The following PCDHGA12 variants were observed in gnomAD, a reference collection of about 807,000 sequenced individuals.
PCDHGA12 encodes protocadherin gamma-A12.
In PCDHGA12, 43 loss-of-function variants were observed where a neutral mutation model predicts 61.1. That is an observed-to-expected ratio of 0.70 (90% confidence interval 0.55 to 0.91). The LOEUF is 0.91. Among genes scored for constraint, PCDHGA12 ranks in the 40% least tolerant of loss-of-function variants. PCDHGA12 has a pLI of 0.00. For missense variants in PCDHGA12, 1,236 were observed against 1,227.7 expected, an observed-to-expected ratio of 1.01 and a Z score of -0.10; for synonymous variants, 520 against 542.9, an observed-to-expected ratio of 0.96 and a Z score of 0.59.
intron 1 of PCDHGA12, among the ~76,000 whole-genome samples, chr5:141,468,738 T>C (rs965510711): frequency 3.0e-4 from 46 of 151,958 alleles, no homozygotes; most frequent in South Asian, 2.1e-3. Flanking sequence ...TGGTGGCGGG[T>C]GCCTGTAGTC....
At chr5:141,433,866 T>C (rs1191114798) in intron 1 of PCDHGA12, among the ~76,000 whole-genome samples, 1 of 151,870 alleles carries the variant, frequency 6.6e-6, no homozygotes, top group African/African-American at 2.4e-5. Context: ...CTTTATCCTC[T>C]AGTTTCATCC....
Position 141,486,772 on chromosome 5 carries a change from T to A in PCDHGA12, c.2425-8035T>A. ...ATGAGCAAACCCAGACACTGCAGTT[T>A]GAGGTGCAGGCCCGGGATCGGGGCA... is the stretch of plus-strand genomic sequence containing the variant. On this transcript the variant is annotated intron_variant, in intron 1 of 3. Coordinates refer to ENST00000252085, the MANE Select transcript of PCDHGA12 (RefSeq NM_003735.3). The surrounding 1 kb of genome is among the most constrained non-coding windows in gnomAD (Gnocchi z 5.0). 1 of 1,614,246 alleles carries A rather than the reference T, an allele frequency of 6.2e-7. No homozygotes were observed. Among genetic ancestry groups the A allele is most frequent in the South Asian group, 1.1e-5 (1 of 91,088 alleles).
rs1001555249 is a variant in PCDHGA12, at chr5:141,486,728, G to A, written c.2425-8079G>A. The A allele has an allele frequency of 1.2e-6, 2 of 1,614,200 alleles. No homozygotes were observed. The highest frequency in any genetic ancestry group is 1.7e-6 in the Non-Finnish European group (2 of 1,180,052). On this transcript the variant is annotated intron_variant, in intron 1 of 3. Transcript: ENST00000252085. This position sits in a 1 kb window ranked among gnomAD's most constrained non-coding sequence, Gnocchi z 5.0. Reference sequence around the variant, plus strand: ...GAACCCCCAGACAGGAGCTGTTCATGCTACTCGATCCTTTGACTATGAGCA... The same window carrying A: ...GAACCCCCAGACAGGAGCTGTTCATACTACTCGATCCTTTGACTATGAGCA...
chr5:141,477,162 C>A lies in PCDHGA12; in HGVS notation c.2425-17645C>A, dbSNP rs147392557. ...GAGGTTGTGGATGTGAATGACAACG[C>A]CCCGGAGATCACAGTCACCTCCGTG... On this transcript the variant is annotated intron_variant, in intron 1 of 3. Transcript: ENST00000252085. This position sits in a 1 kb window ranked among gnomAD's most constrained non-coding sequence, Gnocchi z 4.9. 3.5e-5 allele frequency: 57 copies of A among 1,614,162 alleles called. No homozygotes were observed. The Middle Eastern group carries it at 9.9e-4, about 28-fold the overall frequency.
chr5:141,466,494 G>C (rs1186331329), intron 1 of PCDHGA12, among the ~76,000 whole-genome samples: 4 of 152,134 alleles, frequency 2.6e-5, no homozygotes. Context: ...TCTTTAATTA[G>C]AGCACAGACA....
intron 2 of PCDHGA12, 114 bp from the exon 3 acceptor site, chr5:141,505,279 C>A (rs780513022): frequency 1.3e-6 from 2 of 1,541,274 alleles, no homozygotes; most frequent in Non-Finnish European, 1.7e-6. Flanking sequence ...AGAAACAGGT[C>A]TTGGGCATGG....
intron 1 of PCDHGA12, among the ~76,000 whole-genome samples, chr5:141,437,923 A>G (rs893873818): frequency 2.0e-5 from 3 of 152,110 alleles, no homozygotes; most frequent in African/African-American, 7.2e-5. Context: ...TTTTTAGTAG[A>G]GATGGGGTTT....
intron 1 of PCDHGA12, among the ~76,000 whole-genome samples, chr5:141,463,460 T>TTTC (rs1554144872): frequency 7.4e-6 from 1 of 136,038 alleles, no homozygotes; most frequent in South Asian, 2.5e-4. Context: ...TTTTTTTTTT[T>TTTC]TTTTTTGAGA....
Position 141,490,320 on chromosome 5 carries a change from A to G in PCDHGA12, c.2425-4487A>G. The G allele has an allele frequency of 6.2e-7, 1 of 1,614,228 alleles. No individual in the cohort carries two copies. The highest frequency in any genetic ancestry group is 1.1e-5 in the South Asian group (1 of 91,088). ...TGGCCTCTTTGGCCAACCCTGTCCT[A>G]GAGAGCACACCAGTGGGCACAGTAG... On this transcript the variant is annotated intron_variant, in intron 1 of 3. Transcript: ENST00000252085. The surrounding 1 kb of genome is among the most constrained non-coding windows in gnomAD (Gnocchi z 5.4).
Position 141,491,004 on chromosome 5 carries a change from G to T in PCDHGA12, c.2425-3803G>T. ...CTCGCTCTGCTCCTCCTGGCTCCTT[G>T]GTCACCAAGGTGACAGCCGTGGATG... On this transcript the variant is annotated intron_variant, in intron 1 of 3. Transcript: ENST00000252085. The surrounding 1 kb of genome is among the most constrained non-coding windows in gnomAD (Gnocchi z 6.9). The T allele has an allele frequency of 6.2e-7, 1 of 1,614,024 alleles. No individual in the cohort carries two copies. Among genetic ancestry groups the T allele is most frequent in the Non-Finnish European group, 8.5e-7 (1 of 1,180,026 alleles).
At chr5:141,509,163 C>T (rs561329093) in intron 3 of PCDHGA12, among the ~76,000 whole-genome samples, 1 of 152,204 alleles carries the variant, frequency 6.6e-6, no homozygotes, top group East Asian at 1.9e-4. Context: ...CTCCCGTGTG[C>T]CCTCCTCCTC....
Position 141,489,407 on chromosome 5 carries a change from T to C in PCDHGA12, c.2425-5400T>C. On this transcript the variant is annotated intron_variant, in intron 1 of 3. Transcript: ENST00000252085. This position sits in a 1 kb window ranked among gnomAD's most constrained non-coding sequence, Gnocchi z 4.5. ...GTTGCTCAGGATCTGGGCTTAAAGA[T>C]GACAGATCTGTTGAGCCGGCGGCTG... 6.2e-7 allele frequency: 1 copy of C among 1,614,140 alleles called. No individual in the cohort carries two copies.
chr5:141,458,702 T>G (rs1333580253), intron 1 of PCDHGA12, among the ~76,000 whole-genome samples: 1 of 152,102 alleles, frequency 6.6e-6, no homozygotes, highest in East Asian at 1.9e-4. Context: ...CCCGAGTAGC[T>G]GGGATTACAG....
intron 3 of PCDHGA12, among the ~76,000 whole-genome samples, chr5:141,508,975 G>T (rs1360718244): frequency 2.6e-5 from 4 of 152,148 alleles, no homozygotes; most frequent in African/African-American, 7.2e-5. Context: ...AAGGGCTGGG[G>T]GTGGGGGCCA....
At position 141,431,994 on chromosome 5, in the gene PCDHGA12, G is replaced by C; in HGVS notation, c.1235G>C (p.Arg412Thr). ...TTAGTCACAGACATAGTCTTGGATA[G>C]GGAACAGGTTCCTAGCTACAACATC... is the stretch of plus-strand genomic sequence containing the variant. ...YSLVTDIVLDREQVPSYNITV... is the reference protein window; with the variant it reads ...YSLVTDIVLDTEQVPSYNITV... Residue 412 changes from arginine (R) to threonine (T), a missense_variant, in exon 1 of 4, where the codon AGG becomes ACG. Physicochemically the swap from Arg to Thr is moderately conservative, Grantham distance 71. Coordinates refer to ENST00000252085, the MANE Select transcript of PCDHGA12 (RefSeq NM_003735.3). The surrounding 1 kb of genome is among the most constrained non-coding windows in gnomAD (Gnocchi z 4.8). 1.9e-6 allele frequency: 3 copies of C among 1,614,188 alleles called. 1 individual carries two copies. The highest frequency in any genetic ancestry group is 2.2e-5 in the South Asian group (2 of 91,082).
In PCDHGA12 at chr5:141,433,322, T is replaced by A. The variant is rs907709272; in HGVS notation, c.2424+139T>A. On this transcript the variant is annotated intron_variant, in intron 1 of 3. Transcript: ENST00000252085. ...AATTATCCCACCTTTGCCTCCGGTGTAACAGGGACTACAGGTGCAAGCCAC... is the reference window on the plus strand; with the variant it reads ...AATTATCCCACCTTTGCCTCCGGTGAAACAGGGACTACAGGTGCAAGCCAC... The A allele has an allele frequency of 5.3e-6, 4 of 760,298 alleles. No homozygotes were observed. In the African/African-American group the frequency reaches 7.1e-5, roughly 13 times the overall value. The allele number at this position is 760,298 out of a possible 1,614,324, so 47.1% of individuals were successfully genotyped here.
chr5:141,453,101 T>TTTCTG (rs1554138035), intron 1 of PCDHGA12, among the ~76,000 whole-genome samples: 1 of 152,012 alleles, frequency 6.6e-6, no homozygotes, highest in Non-Finnish European at 1.5e-5. Context: ...TTCTGTTGCT[T>TTTCTG]TTTTGTTTTG....
At chr5:141,439,631 A>G (rs1459977985) in intron 1 of PCDHGA12, among the ~76,000 whole-genome samples, 2 of 152,214 alleles carry the variant, frequency 1.3e-5, no homozygotes, top group African/African-American at 2.4e-5. Context: ...ATCCCCAGAC[A>G]TTCCGGCTTG....
At chr5:141,438,591 C>CATACATAT (rs1228520343) in intron 1 of PCDHGA12, among the ~76,000 whole-genome samples, 2 of 75,562 alleles carry the variant, frequency 2.6e-5, no homozygotes, top group African/African-American at 4.5e-5. Context: ...TACATACATA[C>CATACATAT]ATATATATAT....
Sources: allele counts gnomAD v4.1 joint callset (sites outside exome capture counted in the v4.1 genomes callset), GRCh38; gene constraint gnomAD v4.1.1; non-coding constraint Gnocchi (gnomAD v3.1); transcripts MANE v1.5; gene names NCBI Gene and HGNC (gene_info 2026-07-23, HGNC 2026-07-21).